The following CTNNA3 variants were observed in gnomAD, a reference collection of about 807,000 sequenced individuals.
CTNNA3 encodes the protein catenin alpha 3.
In CTNNA3, 76 loss-of-function variants were observed where a neutral mutation model predicts 95.7. The ratio of observed to expected loss-of-function variants is 0.79; its 90% CI spans 0.66 to 0.96. The LOEUF is 0.96. CTNNA3 is among the 40% of genes least tolerant of loss of function. The probability of loss-of-function intolerance (pLI) is 0.00; values close to 1 mark genes in which losing one functional copy is unlikely to be tolerated. For missense variants in CTNNA3, 1,191 were observed against 1,089.8 expected (o/e 1.09, Z -1.31); for synonymous variants, 431 against 374.4 (o/e 1.15, Z -1.74).
Position 66,633,456 on chromosome 10 carries a change from A to G in CTNNA3, c.1282-11672T>C, listed in dbSNP as rs57429132. 6.7e-3 allele frequency among the ~76,000 whole-genome samples: 1,018 copies of G among 152,220 alleles called. 13 individuals are homozygous for G. The highest frequency in any genetic ancestry group is 0.015 in the African/African-American group (641 of 41,540). On this transcript the variant is annotated intron_variant, in intron 9 of 17. Transcript: ENST00000433211. ...AGCACTTTGGGAGGCCAAGGCGGGC[A>G]GATCACGAGGTCAGGAGATCAAGAC...
At chr10:66,262,337 A>T (rs1182021116) in intron 13 of CTNNA3, among the ~76,000 whole-genome samples, 1 of 152,002 alleles carries the variant, frequency 6.6e-6, no homozygotes, top group Non-Finnish European at 1.5e-5. Context: ...CATATTTTTA[A>T]ATCTAAACCT....
chr10:65,912,933 T>G lies in CTNNA3; in HGVS notation c.*7397A>C, dbSNP rs1424351727. 6.6e-6 allele frequency: 1 copy of G among 152,136 alleles called. No homozygotes were observed. Among genetic ancestry groups the G allele is most frequent in the East Asian group, 1.9e-4 (1 of 5,186 alleles). The allele number at this position is 152,136 out of a possible 1,614,324, so 9.4% of individuals were successfully genotyped here. ...GCACAAAACTGCTTTGAACTGGTCA[T>G]TAATATAATGGGCAGTTCATTCAAT... On this transcript the variant is annotated 3_prime_UTR_variant, in exon 18 of 18. Coordinates refer to ENST00000433211, the MANE Select transcript of CTNNA3 (RefSeq NM_013266.4).
chr10:66,811,466 G>A (rs1179615427), intron 7 of CTNNA3, among the ~76,000 whole-genome samples: 1 of 152,190 alleles, frequency 6.6e-6, no homozygotes, highest in Non-Finnish European at 1.5e-5. Context: ...ATGGCAGAAT[G>A]CATAGTAATA....
At chr10:66,511,753 A>T (rs1840670400) in intron 11 of CTNNA3, among the ~76,000 whole-genome samples, 1 of 151,854 alleles carries the variant, frequency 6.6e-6, no homozygotes. Flanking sequence ...TTTTGAAAAA[A>T]TTATTTAGAG....
intron 9 of CTNNA3, among the ~76,000 whole-genome samples, chr10:66,703,371 C>A (rs531369806): frequency 6.6e-6 from 1 of 152,210 alleles, no homozygotes; most frequent in South Asian, 2.1e-4. Context: ...CTTCATCAAT[C>A]TAAGGATACC....
chr10:66,184,053 C>A (rs1564739365), intron 13 of CTNNA3, among the ~76,000 whole-genome samples: 1 of 152,024 alleles, frequency 6.6e-6, no homozygotes, highest in Non-Finnish European at 1.5e-5. Context: ...CGCCTGTAAT[C>A]CCAACACTTT....
chr10:66,799,471 C>A (rs138804249), intron 7 of CTNNA3, among the ~76,000 whole-genome samples: 289 of 151,402 alleles, frequency 1.9e-3, no homozygotes, highest in Non-Finnish European at 3.4e-3. Flanking sequence ...AAGTTAAGAA[C>A]TTATTATTGG....
rs368054714 is a variant in CTNNA3 at position 67,730,109 on chromosome 10, T to C, written c.-2+33325A>G. ...CACCAGGATCTTCATTTACACTCCC[T>C]TCTCTTGTGGAGGGACAATCTCAGT... On this transcript the variant is annotated intron_variant, in intron 1 of 17. Coordinates refer to the CTNNA3 transcript ENST00000684154. 3.9e-5 allele frequency among the ~76,000 whole-genome samples: 6 copies of C among 152,298 alleles called. No individual in the cohort carries two copies. In the East Asian group the frequency reaches 9.6e-4, roughly 24 times the overall value.
intron 5 of CTNNA3, among the ~76,000 whole-genome samples, chr10:67,250,221 C>T (rs148765011): frequency 6.2e-5 from 9 of 145,770 alleles, no homozygotes; most frequent in African/African-American, 2.3e-4. Context: ...AGAGGGCCAA[C>T]TTTTTTTTTT....
At chr10:67,755,258 T>C (rs904611659) in intron 1 of CTNNA3, among the ~76,000 whole-genome samples, 1 of 151,228 alleles carries the variant, frequency 6.6e-6, no homozygotes, top group African/African-American at 2.4e-5. Context: ...TCAATATCAC[T>C]AACCATCAGA....
At chr10:67,587,070 A>T (rs1773857133) in intron 3 of CTNNA3, among the ~76,000 whole-genome samples, 1 of 151,876 alleles carries the variant, frequency 6.6e-6, no homozygotes, top group Non-Finnish European at 1.5e-5. Context: ...TGTTGTCCAG[A>T]CTGGAGTGCA....
chr10:67,418,597 A>T (rs1281379721), intron 5 of CTNNA3, among the ~76,000 whole-genome samples: 1 of 152,156 alleles, frequency 6.6e-6, no homozygotes, highest in African/African-American at 2.4e-5. Flanking sequence ...TGTCAGGCAC[A>T]GTAAGAGAAA....
chr10:66,924,948 T>C (rs556150054), intron 7 of CTNNA3, among the ~76,000 whole-genome samples: 25 of 152,330 alleles, frequency 1.6e-4, no homozygotes, highest in African/African-American at 5.8e-4. Flanking sequence ...ATCACTAAAC[T>C]ACGCTGCCTT....
chr10:67,042,059 A>G (rs1490073553), intron 7 of CTNNA3, among the ~76,000 whole-genome samples: 1 of 152,202 alleles, frequency 6.6e-6, no homozygotes, highest in Non-Finnish European at 1.5e-5. Flanking sequence ...GAGAGACAAA[A>G]AAAGGCCTAT....
At chr10:66,230,959 T>C (rs1205427322) in intron 13 of CTNNA3, among the ~76,000 whole-genome samples, 5 of 152,116 alleles carry the variant, frequency 3.3e-5, no homozygotes, top group Non-Finnish European at 7.4e-5. Context: ...GCCCCAGGGA[T>C]ATGGAGGTGC....
intron 5 of CTNNA3, among the ~76,000 whole-genome samples, chr10:67,442,392 T>C (rs943350100): frequency 2.0e-5 from 3 of 152,046 alleles, no homozygotes; most frequent in Admixed American, 2.0e-4. Context: ...GACTAAACTC[T>C]GCAATCAAAT....
rs140092198 is a variant in CTNNA3, at chr10:67,543,060, T to C, written c.293-3391A>G. 5.9e-5 allele frequency among the ~76,000 whole-genome samples: 9 copies of C among 152,232 alleles called. No homozygotes were observed. The East Asian group carries it at 1.4e-3, about 23-fold the overall frequency. On this transcript the variant is annotated intron_variant, in intron 3 of 17. Transcript: ENST00000433211. ...TACAAATAAAAATAACTACATTTTT[T>C]CTTCAAGAAATCCCACTCTATACAT...
At chr10:66,733,786 A>G (rs1475224525) in intron 9 of CTNNA3, among the ~76,000 whole-genome samples, 1 of 151,690 alleles carries the variant, frequency 6.6e-6, no homozygotes, top group African/African-American at 2.4e-5. Flanking sequence ...TCTATTTTCT[A>G]TTAAGATGTT....
chr10:66,122,961 C>T (rs1023409110), intron 13 of CTNNA3, among the ~76,000 whole-genome samples: 8 of 152,228 alleles, frequency 5.3e-5, no homozygotes, highest in Non-Finnish European at 8.8e-5. Context: ...AAATTCAAGA[C>T]GAGATTTGGT....
Sources: gnomAD v4.1 joint callset for allele counts (sites outside exome capture counted in the v4.1 genomes callset) on GRCh38, gnomAD v4.1.1 for gene constraint, MANE v1.5 for transcripts, NCBI Gene and HGNC (gene_info 2026-07-23, HGNC 2026-07-21) for gene names.